The following ZNF407 variants were observed in gnomAD, a reference collection of about 807,000 sequenced individuals.
ZNF407 encodes the protein zinc finger protein 407.
A neutral mutation model predicts 131.2 loss-of-function variants in ZNF407; 17 were observed. The observed-to-expected ratio is 0.13, with a 90% CI of 0.09 to 0.19. The LOEUF (loss-of-function observed/expected upper bound fraction) is 0.19. Among genes scored for constraint, ZNF407 ranks in the 10% least tolerant of loss-of-function variants. The pLI is 1.00. For synonymous variants in ZNF407, 1,156 were observed against 1,062.0 expected (o/e 1.09, Z -1.72); for missense variants, 2,681 against 2,830.6 (o/e 0.95, Z 1.20).
At chr18:74,819,171 C>T (rs1012537936) in intron 4 of ZNF407, among the ~76,000 whole-genome samples, 3 of 151,554 alleles carry the variant, frequency 2.0e-5, no homozygotes, top group Admixed American at 6.6e-5. Flanking sequence ...TGGAAAAGGC[C>T]GGAAAAAAAA....
In ZNF407 at chr18:74,945,226, C is replaced by T. The variant is rs375020759; in HGVS notation, c.5428+24534C>T. The stretch of plus-strand genomic sequence containing the variant: ...CACCTGCATTTGAGATTTTTAAAAG[C>T]GGGAGTTGGACTTTATTTCTGCAAA... On this transcript the variant is annotated intron_variant, in intron 8 of 8. Transcript: ENST00000299687. 6.2e-4 allele frequency among the ~76,000 whole-genome samples: 95 copies of T among 152,066 alleles called. 1 individual carries two copies. The highest frequency in any genetic ancestry group is 1.3e-4 in the Non-Finnish European group (9 of 68,010).
intron 3 of ZNF407, among the ~76,000 whole-genome samples, chr18:74,753,285 A>G (rs913714902): frequency 3.3e-5 from 5 of 151,754 alleles, no homozygotes; most frequent in African/African-American, 1.2e-4. Flanking sequence ...TTCTAAATAT[A>G]CAATCATGTC....
At position 74,678,697 on chromosome 18, in the gene ZNF407, A is replaced by T. The variant is rs1483030585; in HGVS notation, c.4802+37575A>T. On this transcript the variant is annotated intron_variant, in intron 3 of 8. Transcript: ENST00000299687. ...CTGTCCTCAGCACGAGGGTTGGTCCAAATTGCCTCGTTTGAAATTAACAGA... is the reference window on the plus strand; with the variant it reads ...CTGTCCTCAGCACGAGGGTTGGTCCTAATTGCCTCGTTTGAAATTAACAGA... Among the ~76,000 whole-genome samples, 9 of 152,348 alleles carry T rather than the reference A, an allele frequency of 5.9e-5. No individual in the cohort carries two copies. In the South Asian group the frequency reaches 1.9e-3, roughly 32 times the overall value.
chr18:74,622,419 G>T (rs552076235), intron 1 of ZNF407, among the ~76,000 whole-genome samples: 1 of 152,354 alleles, frequency 6.6e-6, no homozygotes, highest in East Asian at 1.9e-4. Context: ...CTTGTGGGCA[G>T]CCCTGCCTGT....
At chr18:74,686,477 T>C (rs1391075478) in intron 3 of ZNF407, among the ~76,000 whole-genome samples, 1 of 152,202 alleles carries the variant, frequency 6.6e-6, no homozygotes, top group Admixed American at 6.5e-5. Flanking sequence ...AGGTCTGTAT[T>C]GTCCTTTCCT....
chr18:74,816,729 A>T (rs751237255), intron 4 of ZNF407, among the ~76,000 whole-genome samples: 16 of 152,240 alleles, frequency 1.1e-4, no homozygotes, highest in Non-Finnish European at 1.9e-4. Flanking sequence ...TAATCTGTAT[A>T]AATTGCTGAA....
intron 8 of ZNF407, among the ~76,000 whole-genome samples, chr18:74,989,171 G>C (rs967425741): frequency 6.6e-6 from 1 of 152,214 alleles, no homozygotes; most frequent in Non-Finnish European, 1.5e-5. Context: ...ATGCGCCTCA[G>C]CAATGTTATC....
In ZNF407 at chr18:75,063,302, G is replaced by A. The variant is rs370256249; in HGVS notation, c.5581G>A (p.Glu1861Lys). The A allele has an allele frequency of 7.4e-6, 12 of 1,613,544 alleles. No homozygotes were observed. Among genetic ancestry groups the A allele is most frequent in the Non-Finnish European group, 8.5e-6 (10 of 1,179,868 alleles). Residue 1861 changes from glutamate (E) to lysine (K), a missense_variant, in exon 9 of 9, where the codon GAG becomes AAG. Transcript: ENST00000299687. The surrounding 1 kb of genome is among the most constrained non-coding windows in gnomAD (Gnocchi z 6.6). ...RSSRRPAPPP[E>K]QVQQVIIFQG... Reference sequence around the variant, plus strand: ...CAGCAGGAGGCCAGCGCCGCCCCCTGAGCAGGTGCAGCAGGTCATCATCTT... The same window carrying A: ...CAGCAGGAGGCCAGCGCCGCCCCCTAAGCAGGTGCAGCAGGTCATCATCTT...
chr18:75,021,777 C>G (rs2122204224), intron 8 of ZNF407, among the ~76,000 whole-genome samples: 2 of 151,732 alleles, frequency 1.3e-5, no homozygotes, highest in South Asian at 4.2e-4. Flanking sequence ...TAAAATTAAA[C>G]CAAATTCTGA....
chr18:74,804,417 A>G, intron 4 of ZNF407: 1 of 996,798 alleles, frequency 1.0e-6, no homozygotes, highest in Admixed American at 5.7e-5. Context: ...GGAACATATT[A>G]ATTATTCTAA....
intron 4 of ZNF407, among the ~76,000 whole-genome samples, chr18:74,815,844 T>C (rs574841717): frequency 6.6e-6 from 1 of 152,298 alleles, no homozygotes; most frequent in African/African-American, 2.4e-5. Context: ...ATTGTATTGA[T>C]AGGTTATTAC....
intron 3 of ZNF407, among the ~76,000 whole-genome samples, chr18:74,660,396 A>G (rs1194174228): frequency 1.3e-5 from 2 of 152,084 alleles, no homozygotes; most frequent in Non-Finnish European, 2.9e-5. Flanking sequence ...TCATCCATCT[A>G]GATCAGAAAA....
rs762375132 is a variant in ZNF407, at chr18:74,635,678, C to T, written c.4659C>T (p.Ala1553=). The T allele has an allele frequency of 8.8e-6, 14 of 1,599,656 alleles. No individual in the cohort carries two copies. In the Admixed American group the frequency reaches 2.2e-4, roughly 25 times the overall value. ...TGTGTCGAAGCAGCAACTCGATGGC[C>T]TTCCTGGCACACATTCGCACTCACA... The part of the protein sequence containing the change: ...GKMCRSSNSM[A]FLAHIRTHTG... The change falls in exon 2 of 9, where the codon GCC becomes GCT. Residue 1553 remains alanine (A), a synonymous_variant. Coordinates refer to ENST00000299687, the MANE Select transcript of ZNF407 (RefSeq NM_017757.3). The surrounding 1 kb of genome is among the most constrained non-coding windows in gnomAD (Gnocchi z 4.7).
At chr18:74,754,430 A>G (rs1056848512) in intron 3 of ZNF407, among the ~76,000 whole-genome samples, 5 of 152,032 alleles carry the variant, frequency 3.3e-5, no homozygotes, top group Admixed American at 2.0e-4. Flanking sequence ...AGTTCTTTTA[A>G]TTGTGATGTT....
intron 7 of ZNF407, among the ~76,000 whole-genome samples, chr18:74,904,057 G>C (rs897090913): frequency 3.9e-5 from 6 of 152,180 alleles, no homozygotes; most frequent in Non-Finnish European, 8.8e-5. Flanking sequence ...GGCCATGAAG[G>C]CCCTTTCCCC....
chr18:74,706,772 A>G (rs944067912), intron 3 of ZNF407, among the ~76,000 whole-genome samples: 4 of 152,162 alleles, frequency 2.6e-5, no homozygotes, highest in African/African-American at 7.2e-5. Context: ...CATAAGGCCT[A>G]TAGAGGCAGG....
At chr18:74,926,348 G>T (rs906810031) in intron 8 of ZNF407, among the ~76,000 whole-genome samples, 10 of 152,142 alleles carry the variant, frequency 6.6e-5, no homozygotes, top group African/African-American at 2.2e-4. Context: ...CCTGTTGTTT[G>T]CAGTAATGTA....
At position 74,897,402 on chromosome 18, in the gene ZNF407, A is replaced by G. The variant is rs554757824; in HGVS notation, c.5249+7364A>G. 7.4e-4 allele frequency among the ~76,000 whole-genome samples: 112 copies of G among 152,344 alleles called. 3 individuals are homozygous for G. The highest frequency in any genetic ancestry group is 8.7e-4 in the Non-Finnish European group (59 of 68,042). Reference sequence around the variant, plus strand: ...TAATTAGAAGAGTCATTTTGAACACAAAGTGACCATGCATTCCGTCTGCTA... The same window carrying G: ...TAATTAGAAGAGTCATTTTGAACACGAAGTGACCATGCATTCCGTCTGCTA... On this transcript the variant is annotated intron_variant, in intron 7 of 8. Coordinates refer to ENST00000299687, the MANE Select transcript of ZNF407 (RefSeq NM_017757.3).
At chr18:74,630,593 A>G (rs769638858) in intron 1 of ZNF407, among the ~76,000 whole-genome samples, 1 of 152,074 alleles carries the variant, frequency 6.6e-6, no homozygotes, top group Non-Finnish European at 1.5e-5. Context: ...TATATTTTAC[A>G]GAGTAGGAGC....
Sources: gnomAD v4.1 joint callset for allele counts (sites outside exome capture counted in the v4.1 genomes callset) on GRCh38, gnomAD v4.1.1 for gene constraint, Gnocchi (gnomAD v3.1) non-coding constraint, MANE v1.5 for transcripts, NCBI Gene and HGNC (gene_info 2026-07-23, HGNC 2026-07-21) for gene names.